The following ACAN variants were observed in gnomAD, a reference collection of about 807,000 sequenced individuals.
The protein encoded by ACAN is aggrecan core protein.
A neutral mutation model predicts 169.1 loss-of-function variants in ACAN; 47 were observed. That is an observed-to-expected ratio of 0.28 (90% confidence interval 0.22 to 0.35). The LOEUF (loss-of-function observed/expected upper bound fraction) is 0.35. Ranked by LOEUF, ACAN falls within the 10% of genes least tolerant of loss-of-function variation. The pLI is 1.00. For synonymous variants in ACAN, 1,115 were observed against 1,112.2 expected, an observed-to-expected ratio of 1.00 and a Z score of -0.05; for missense variants, 2,716 against 2,759.9, an observed-to-expected ratio of 0.98 and a Z score of 0.36.
chr15:88,804,290 A>G (rs1895620461), intron 1 of ACAN, among the ~76,000 whole-genome samples: 1 of 152,144 alleles, frequency 6.6e-6, no homozygotes. Context: ...TGGAAGAATA[A>G]ATGAAATCAT....
In ACAN at chr15:88,807,721, A is replaced by C. The variant is rs1290344108; in HGVS notation, c.-8+3912A>C. On this transcript the variant is annotated intron_variant, in intron 1 of 18. Transcript: ENST00000560601. This position sits in a 1 kb window ranked among gnomAD's most constrained non-coding sequence, Gnocchi z 4.0. ...GAAACGGTGGAGTTTACTTTTAAAA[A>C]CTCAGAGCCTCCTTATAAGTGGTGG... Among the ~76,000 whole-genome samples the C allele has an allele frequency of 6.6e-6, 1 of 150,524 alleles. No homozygotes were observed. The highest frequency in any genetic ancestry group is 1.5e-5 in the Non-Finnish European group (1 of 67,648).
At chr15:88,826,585 A>C (rs1896228730) in intron 1 of ACAN, among the ~76,000 whole-genome samples, 1 of 151,950 alleles carries the variant, frequency 6.6e-6, no homozygotes, top group Non-Finnish European at 1.5e-5. Flanking sequence ...CTCCTCCAAA[A>C]TGGACCCTGT....
In ACAN at chr15:88,859,423, G is replaced by A; in HGVS notation, c.6832+6G>A. 1 of 1,552,888 alleles carries A rather than the reference G, an allele frequency of 6.4e-7. No homozygotes were observed. Among genetic ancestry groups the A allele is most frequent in the Non-Finnish European group, 8.7e-7 (1 of 1,147,682 alleles). ...ATCAGAATCAACTGCTGCAGGTATT[G>A]TGATTTTTTCCCCCTTTAAATGTGC... is the stretch of plus-strand genomic sequence containing the variant. On this transcript the variant is annotated splice_donor_region_variant and intron_variant, in intron 12 of 18. Transcript: ENST00000560601.
At chr15:88,817,264 C>G (rs1736951635) in intron 1 of ACAN, among the ~76,000 whole-genome samples, 1 of 152,092 alleles carries the variant, frequency 6.6e-6, no homozygotes, top group African/African-American at 2.4e-5. Flanking sequence ...GCCTCGGCCT[C>G]CAGAGTAGCT....
In ACAN at chr15:88,855,075, C is replaced by T. The variant is rs528981831; in HGVS notation, c.2490C>T (p.Ser830=). ...SEEPFPSKEP[S]PSEEPSASEE... is the part of the protein sequence containing the mutation. The stretch of plus-strand genomic sequence containing the variant: ...AGCCATTCCCCTCCAAGGAGCCATC[C>T]CCCTCAGAGGAACCATCAGCCTCGG... Residue 830 remains serine (S), a synonymous_variant, in exon 12 of 19, where the codon TCC becomes TCT. Coordinates refer to ENST00000560601, the MANE Select transcript of ACAN (RefSeq NM_001369268.1). The T allele has an allele frequency of 1.1e-5, 17 of 1,583,228 alleles. No homozygotes were observed. The African/African-American group carries it at 2.0e-4, about 19-fold the overall frequency.
chr15:88,830,598 A>G (rs1896334838), intron 1 of ACAN, among the ~76,000 whole-genome samples: 7 of 152,204 alleles, frequency 4.6e-5, no homozygotes, highest in Admixed American at 4.6e-4. Context: ...GTATACACAA[A>G]TACTTCCCTC....
intron 11 of ACAN, among the ~76,000 whole-genome samples, chr15:88,853,184 G>T (rs143019137): frequency 6.6e-6 from 1 of 152,298 alleles, no homozygotes; most frequent in East Asian, 1.9e-4. Flanking sequence ...TGGCAACCAC[G>T]AGTGGGGAGT....
intron 1 of ACAN, among the ~76,000 whole-genome samples, chr15:88,806,433 C>T (rs1895684869): frequency 6.6e-6 from 1 of 151,688 alleles, no homozygotes; most frequent in Admixed American, 6.6e-5. Context: ...CTCACTGCAA[C>T]CTCCGCCTCC....
chr15:88,835,494 G>T (rs1372305085), intron 1 of ACAN, among the ~76,000 whole-genome samples: 1 of 152,164 alleles, frequency 6.6e-6, no homozygotes, highest in Non-Finnish European at 1.5e-5. Context: ...AAGTCCCAAG[G>T]TCTGCATGAT....
At position 88,874,147 on chromosome 15, in the gene ACAN, G is replaced by A. The variant is rs1484791612; in HGVS notation, c.7630+123G>A. 15 of 1,355,956 alleles carry A rather than the reference G, an allele frequency of 1.1e-5. No homozygotes were observed. Among genetic ancestry groups the A allele is most frequent in the African/African-American group, 2.9e-5 (2 of 69,114 alleles). 84.0% of individuals were successfully genotyped at this position (1,355,956 alleles called of 1,614,324 possible). A position where few individuals can be genotyped will look rare whatever the true frequency, so the allele number is the denominator to read the frequency against. On this transcript the variant is annotated intron_variant, in intron 18 of 18. Transcript: ENST00000560601. The surrounding 1 kb of genome is among the most constrained non-coding windows in gnomAD (Gnocchi z 7.3). Reference sequence around the variant, plus strand: ...AGGGTTGAGCAAGGGAAGGGAGGTCGGGGGGCTGCTCAGTCACAAATAGCT... The same window carrying A: ...AGGGTTGAGCAAGGGAAGGGAGGTCAGGGGGCTGCTCAGTCACAAATAGCT...
At chr15:88,823,000 T>C (rs1458416822) in intron 1 of ACAN, among the ~76,000 whole-genome samples, 2 of 152,216 alleles carry the variant, frequency 1.3e-5, no homozygotes, top group Non-Finnish European at 2.9e-5. Flanking sequence ...TCCACACATC[T>C]GATGGCCCTT....
rs2141585529 is a variant in ACAN at position 88,847,273 on chromosome 15, C to T, written c.1460C>T (p.Thr487Ile). 1.3e-6 allele frequency: 2 copies of T among 1,565,150 alleles called. No individual in the cohort carries two copies. Among genetic ancestry groups the T allele is most frequent in the Non-Finnish European group, 8.6e-7 (1 of 1,156,112 alleles). ...GTCTTCCACTACCGCCCGGGACCCA[C>T]CCGCTACTCGCTGACCTTTGAGGAG... The part of the protein sequence containing the change: ...GVVFHYRPGP[T>I]RYSLTFEEAQ... The change falls in exon 8 of 19, where the codon ACC becomes ATC. Residue 487 changes from threonine (T) to isoleucine (I), a missense_variant. Transcript: ENST00000560601.
intron 13 of ACAN, among the ~76,000 whole-genome samples, chr15:88,865,060 C>G (rs1420417184): frequency 3.4e-4 from 51 of 152,214 alleles, no homozygotes; most frequent in Admixed American, 3.3e-3. Flanking sequence ...CCACGTGATG[C>G]TTTGCAACTA....
intron 1 of ACAN, among the ~76,000 whole-genome samples, chr15:88,804,026 A>C (rs1006617998): frequency 2.6e-5 from 4 of 152,190 alleles, no homozygotes; most frequent in African/African-American, 9.7e-5. Context: ...GGGGCAAAGG[A>C]ACACGTGAGG....
chr15:88,849,000 G>C (rs946799253), intron 9 of ACAN, among the ~76,000 whole-genome samples: 3 of 152,204 alleles, frequency 2.0e-5, no homozygotes, highest in African/African-American at 7.2e-5. Context: ...CCAGGGTGTG[G>C]GGTGAGCACG....
chr15:88,841,925 T>A, intron 5 of ACAN, 58 bp downstream of exon 5: 1 of 1,600,870 alleles, frequency 6.2e-7, no homozygotes. Flanking sequence ...CACCTTCCCC[T>A]CCCCATCTCC....
Position 88,857,732 on chromosome 15 carries a change from G to C in ACAN, c.5147G>C (p.Ser1716Thr). 1 of 1,613,990 alleles carries C rather than the reference G, an allele frequency of 6.2e-7. No individual in the cohort carries two copies. The highest frequency in any genetic ancestry group is 8.5e-7 in the Non-Finnish European group (1 of 1,179,896). ...GGACTCCCTTCAGGAACTGAACTCA[G>C]TGGCCAAGCATCTGGGTCTCCTGAT... ...ASGLPSGTELSGQASGSPDVS... is the reference protein window; with the variant it reads ...ASGLPSGTELTGQASGSPDVS... The change falls in exon 12 of 19, where the codon AGT becomes ACT. Residue 1716 changes from serine (S) to threonine (T), a missense_variant. By Grantham distance (58) the Ser-to-Thr change is moderately conservative. This residue lies in a region of ACAN where 1,389 missense variants were observed against 1,363.7 expected (regional missense o/e 1.02). Coordinates refer to ENST00000560601, the MANE Select transcript of ACAN (RefSeq NM_001369268.1).
rs554861422 is a variant in ACAN, at chr15:88,839,804, C to T, written c.455-208C>T. Among the ~76,000 whole-genome samples, 1 of 152,284 alleles carries T rather than the reference C, an allele frequency of 6.6e-6. No individual in the cohort carries two copies. Among genetic ancestry groups the T allele is most frequent in the African/African-American group, 2.4e-5 (1 of 41,556 alleles). On this transcript the variant is annotated intron_variant, in intron 3 of 18. Transcript: ENST00000560601. This position sits in a 1 kb window ranked among gnomAD's most constrained non-coding sequence, Gnocchi z 4.5. Reference sequence around the variant, plus strand: ...ATCATAAGTCTTTAAAAAGGAATGCCTTATAAAGTAGTGAGCTCCCCATTA... The same window carrying T: ...ATCATAAGTCTTTAAAAAGGAATGCTTTATAAAGTAGTGAGCTCCCCATTA...
intron 1 of ACAN, among the ~76,000 whole-genome samples, chr15:88,825,764 A>G (rs1285875264): frequency 2.1e-5 from 3 of 142,700 alleles, no homozygotes; most frequent in Non-Finnish European, 3.2e-5. Flanking sequence ...TCTGTACTAC[A>G]CGTCCTAAAC....
Sources: allele counts gnomAD v4.1 joint callset (sites outside exome capture counted in the v4.1 genomes callset), GRCh38; gene constraint gnomAD v4.1.1; regional missense constraint gnomAD v4.1.1; non-coding constraint Gnocchi (gnomAD v3.1); transcripts MANE v1.5; gene names NCBI Gene and HGNC (gene_info 2026-07-23, HGNC 2026-07-21).